The following RBP7 variants were observed in gnomAD, a reference collection of about 807,000 sequenced individuals.
The protein encoded by RBP7 is retinol binding protein 7.
In RBP7, 13 loss-of-function variants were observed where a neutral mutation model predicts 16.7. The ratio of observed to expected loss-of-function variants is 0.78; its 90% CI spans 0.51 to 1.24. The LOEUF (loss-of-function observed/expected upper bound fraction) is 1.24, where lower values mean the gene tolerates loss of function less well. RBP7 is among the 50% of genes most tolerant of loss of function. The probability of loss-of-function intolerance (pLI) is 0.00; values close to 1 mark genes in which losing one functional copy is unlikely to be tolerated. For missense variants in RBP7, 145 were observed against 159.5 expected (o/e 0.91, Z 0.49); for synonymous variants, 54 against 56.2 (o/e 0.96, Z 0.17).
chr1:10,013,099 G>A (rs528241003), intron 3 of RBP7, among the ~76,000 whole-genome samples: 1 of 142,882 alleles, frequency 7.0e-6, no homozygotes, highest in African/African-American at 2.7e-5. Context: ...TTCAGACAGA[G>A]TCTCACTCTG....
At chr1:10,009,363 TCG>T (rs1356244776) in intron 3 of RBP7, among the ~76,000 whole-genome samples, 1 of 151,660 alleles carries the variant, frequency 6.6e-6, no homozygotes, top group Non-Finnish European at 1.5e-5. Flanking sequence ...TGAGCCAAGA[TCG>T]CACCACTGCC....
intron 3 of RBP7, among the ~76,000 whole-genome samples, chr1:10,012,296 G>T (rs954872274): frequency 2.7e-5 from 4 of 149,900 alleles, no homozygotes; most frequent in African/African-American, 7.4e-5. Context: ...CATGAGAATC[G>T]CTTGAACCCG....
At chr1:10,004,065 A>ATT (rs56955055) in intron 1 of RBP7, 7 of 83,210 alleles carry the variant, frequency 8.4e-5, no homozygotes, top group African/African-American at 1.4e-4. Flanking sequence ...CTGCCTCACA[A>ATT]TTTTTTTTTT....
chr1:10,007,267 A>G, intron 1 of RBP7: 1 of 303,192 alleles, frequency 3.3e-6, no homozygotes, highest in Non-Finnish European at 6.3e-6. Context: ...ATTTTTTTAT[A>G]GAGACAGGGT....
Position 9,997,940 on chromosome 1 carries a change from G to A in RBP7, c.73+609G>A, listed in dbSNP as rs969328693. Among the ~76,000 whole-genome samples, 4 of 152,190 alleles carry A rather than the reference G, an allele frequency of 2.6e-5. No homozygotes were observed. The highest frequency in any genetic ancestry group is 7.2e-5 in the African/African-American group (3 of 41,550). ...GGGAGTGCAGAGCCTGGTTCGGCCCGGGGCGTGCCCCGACCGCCGCCTCCC... is the reference window on the plus strand; with the variant it reads ...GGGAGTGCAGAGCCTGGTTCGGCCCAGGGCGTGCCCCGACCGCCGCCTCCC... On this transcript the variant is annotated intron_variant, in intron 1 of 3. Transcript: ENST00000294435. The surrounding 1 kb of genome is among the most constrained non-coding windows in gnomAD (Gnocchi z 5.9).
intron 3 of RBP7, 80 bp downstream of exon 3, chr1:10,008,354 T>C: frequency 2.3e-6 from 2 of 882,414 alleles, no homozygotes. Context: ...CTCACACCTG[T>C]AATCCCAGCA....
At chr1:10,000,184 C>T (rs1557483448) in intron 1 of RBP7, among the ~76,000 whole-genome samples, 4 of 151,850 alleles carry the variant, frequency 2.6e-5, no homozygotes, top group Admixed American at 6.6e-5. Context: ...GCCGAGATTG[C>T]GCCATTGCAC....
intron 1 of RBP7, among the ~76,000 whole-genome samples, chr1:10,004,593 G>A (rs1451986794): frequency 6.6e-6 from 1 of 151,808 alleles, no homozygotes; most frequent in East Asian, 1.9e-4. Flanking sequence ...CAGGCTGGTC[G>A]CGTTGGTCTG....
intron 1 of RBP7, among the ~76,000 whole-genome samples, chr1:10,003,537 C>T (rs1404119864): frequency 6.6e-6 from 1 of 152,196 alleles, no homozygotes; most frequent in Admixed American, 6.5e-5. Context: ...CTGCTACTTT[C>T]TGCCTATGGG....
In RBP7 at chr1:10,015,879, A is replaced by G; in HGVS notation, c.*47A>G. 6.4e-7 allele frequency: 1 copy of G among 1,557,310 alleles called. No homozygotes were observed. Among genetic ancestry groups the G allele is most frequent in the Non-Finnish European group, 8.9e-7 (1 of 1,128,766 alleles). On this transcript the variant is annotated 3_prime_UTR_variant, in exon 4 of 4. Coordinates refer to ENST00000294435, the MANE Select transcript of RBP7 (RefSeq NM_052960.3). ...CACTTGTGGCTGCAGCTTTATGCCAAATTATATTGCAGACTGAACAGACGT... is the reference window on the plus strand; with the variant it reads ...CACTTGTGGCTGCAGCTTTATGCCAGATTATATTGCAGACTGAACAGACGT...
chr1:10,012,561 G>C (rs556957770), intron 3 of RBP7, among the ~76,000 whole-genome samples: 4 of 151,906 alleles, frequency 2.6e-5, no homozygotes, highest in African/African-American at 9.7e-5. Context: ...ATAGGCCAAA[G>C]CGGGAAGATT....
intron 3 of RBP7, among the ~76,000 whole-genome samples, chr1:10,014,264 G>T (rs1029150569): frequency 1.3e-5 from 2 of 152,114 alleles, no homozygotes; most frequent in Admixed American, 1.3e-4. Context: ...CATGTTGAAC[G>T]GTGAACATTC....
intron 3 of RBP7, among the ~76,000 whole-genome samples, chr1:10,009,083 A>C (rs1262065635): frequency 6.6e-6 from 1 of 152,172 alleles, no homozygotes; most frequent in East Asian, 1.9e-4. Flanking sequence ...AAATTCCCCA[A>C]GGCTGCTGTC....
intron 3 of RBP7, among the ~76,000 whole-genome samples, chr1:10,014,064 G>A (rs1642704966): frequency 6.6e-6 from 1 of 152,124 alleles, no homozygotes; most frequent in Non-Finnish European, 1.5e-5. Context: ...AGGGTCCTTA[G>A]ATAGCTTCAG....
intron 3 of RBP7, among the ~76,000 whole-genome samples, chr1:10,009,186 C>T (rs61074616): frequency 1.5e-4 from 23 of 151,968 alleles, no homozygotes; most frequent in African/African-American, 4.3e-4. Flanking sequence ...CTGACGTGGG[C>T]GGATCACGAG....
chr1:10,013,646 TA>T (rs1268069063), intron 3 of RBP7, among the ~76,000 whole-genome samples: 22 of 151,894 alleles, frequency 1.4e-4, no homozygotes, highest in Admixed American at 6.6e-4. Flanking sequence ...CTGTCTCTAC[TA>T]AAAAATACAA....
intron 1 of RBP7, among the ~76,000 whole-genome samples, chr1:9,999,051 T>TG (rs111549491): frequency 0.027 from 4,055 of 152,220 alleles, 66 homozygotes; most frequent in African/African-American, 0.036. Context: ...AATTGAATCA[T>TG]GGGGTAGTTT....
chr1:10,007,947 G>A (rs1352851678), intron 2 of RBP7, among the ~76,000 whole-genome samples, 199 bp downstream of exon 2: 1 of 151,844 alleles, frequency 6.6e-6, no homozygotes, highest in Non-Finnish European at 1.5e-5. Context: ...CTACTTAGGA[G>A]GCTGAGGCAG....
intron 3 of RBP7, among the ~76,000 whole-genome samples, chr1:10,009,340 T>G (rs1481550300): frequency 7.0e-4 from 107 of 151,892 alleles, no homozygotes; most frequent in African/African-American, 2.5e-3. Flanking sequence ...AACCAGTTAG[T>G]CGGAGGTTGC....
Sources: allele counts gnomAD v4.1 joint callset (sites outside exome capture counted in the v4.1 genomes callset), GRCh38; gene constraint gnomAD v4.1.1; non-coding constraint Gnocchi (gnomAD v3.1); transcripts MANE v1.5; gene names NCBI Gene and HGNC (gene_info 2026-07-23, HGNC 2026-07-21).